PARL: variants seen among roughly 807,000 people sequenced by gnomAD.
The protein encoded by PARL is presenilin associated rhomboid like, also known as presenilin-associated rhomboid-like protein, mitochondrial.
In PARL, 44 loss-of-function variants were observed where a neutral mutation model predicts 51.6. The observed-to-expected ratio is 0.85, with a 90% CI of 0.67 to 1.10. The LOEUF (loss-of-function observed/expected upper bound fraction) is 1.10. Ranked by LOEUF, PARL falls within the 50% of genes least tolerant of loss-of-function variation. The pLI is 0.00. For synonymous variants in PARL, 172 were observed against 164.0 expected, an observed-to-expected ratio of 1.05 and a Z score of -0.37; for missense variants, 441 against 469.5, an observed-to-expected ratio of 0.94 and a Z score of 0.56.
Position 183,884,859 on chromosome 3 carries a change from T to C in PARL, c.-13A>G. The C allele has an allele frequency of 1.9e-6, 3 of 1,596,868 alleles. No individual in the cohort carries two copies. Among genetic ancestry groups the C allele is most frequent in the Non-Finnish European group, 2.5e-6 (3 of 1,179,426 alleles). ...CTCGCCACGCCATCTTCCCAACCTC[T>C]GCCCCACCATGGCCCGACCTTACCA... On this transcript the variant is annotated 5_prime_UTR_variant, in exon 1 of 10. Coordinates refer to ENST00000317096, the MANE Select transcript of PARL (RefSeq NM_018622.7).
intron 7 of PARL, among the ~76,000 whole-genome samples, chr3:183,839,537 GCCTC>G (rs1729044481): frequency 6.6e-6 from 1 of 151,922 alleles, no homozygotes; most frequent in Non-Finnish European, 1.5e-5. Flanking sequence ...TCCTGCCTCA[GCCTC>G]CCGAGTAGCT....
At position 183,884,830 on chromosome 3, in the gene PARL, C is replaced by CA. The variant is rs1734960854; in HGVS notation, c.16dup (p.Trp6LeufsTer39). 6.3e-7 allele frequency: 1 copy of CA among 1,597,444 alleles called. No homozygotes were observed. Among genetic ancestry groups the CA allele is most frequent in the Non-Finnish European group, 8.5e-7 (1 of 1,179,270 alleles). On this transcript the variant is annotated frameshift_variant, in exon 1 of 10. Coordinates refer to ENST00000317096, the MANE Select transcript of PARL (RefSeq NM_018622.7). LOFTEE classifies it high-confidence loss of function. ...GCCGCAGCCCCAGCCTCTCTGCGCCCAGCCTCGCCACGCCATCTTCCCAAC... is the reference window on the plus strand; with the variant it reads ...GCCGCAGCCCCAGCCTCTCTGCGCCCAAGCCTCGCCACGCCATCTTCCCAAC...
intron 7 of PARL, 88 bp downstream of exon 7, chr3:183,840,482 C>A: frequency 2.9e-6 from 2 of 682,116 alleles, no homozygotes; most frequent in South Asian, 1.9e-5. Context: ...AACCTCTTAT[C>A]AATTTTACAA....
intron 3 of PARL, among the ~76,000 whole-genome samples, chr3:183,864,029 C>T (rs1179375975): frequency 6.6e-6 from 1 of 152,164 alleles, no homozygotes; most frequent in African/African-American, 2.4e-5. Flanking sequence ...GTGCTGGAAA[C>T]CTATAGCTTT....
intron 3 of PARL, among the ~76,000 whole-genome samples, chr3:183,865,063 T>G (rs1297907072): frequency 6.6e-6 from 1 of 151,936 alleles, no homozygotes; most frequent in Non-Finnish European, 1.5e-5. Flanking sequence ...ATTCCAGCAC[T>G]TTGGGAGGCC....
chr3:183,858,540 T>TA (rs1164438336), intron 4 of PARL, among the ~76,000 whole-genome samples: 2 of 152,274 alleles, frequency 1.3e-5, no homozygotes, highest in South Asian at 2.1e-4. Context: ...TCAAAAATAA[T>TA]AATTTAGCTG....
chr3:183,884,821 C>G lies in PARL; in HGVS notation c.26G>C (p.Arg9Thr). 6.3e-7 allele frequency: 1 copy of G among 1,597,532 alleles called. No individual in the cohort carries two copies. The highest frequency in any genetic ancestry group is 1.3e-5 in the African/African-American group (1 of 74,938). Residue 9 changes from arginine to threonine, a missense_variant, in exon 1 of 10, where the codon AGA (arginine) becomes ACA (threonine). Physicochemically the swap from Arg to Thr is moderately conservative, Grantham distance 71 (BLOSUM62 -1). Transcript: ENST00000317096. The stretch of plus-strand genomic sequence containing the variant: ...CCACGCCTGGCCGCAGCCCCAGCCT[C>G]TCTGCGCCCAGCCTCGCCACGCCAT... The part of the protein sequence containing the change: MAWRGWAQ[R>T]GWGCGQAWGA...
chr3:183,876,610 T>TAAAAAAAAAAAAAA (rs576376716), intron 1 of PARL, among the ~76,000 whole-genome samples: 83 of 91,790 alleles, frequency 9.0e-4, no homozygotes, highest in East Asian at 1.7e-3. Flanking sequence ...ATACATTTTG[T>TAAAAAAAAAAAAAA]AAAAAAAAAA....
intron 9 of PARL, among the ~76,000 whole-genome samples, chr3:183,830,828 A>G (rs1727849091): frequency 6.6e-6 from 1 of 152,222 alleles, no homozygotes; most frequent in Non-Finnish European, 1.5e-5. Flanking sequence ...ACATTAATTA[A>G]CAGGCATGTA....
In PARL at chr3:183,846,312, G is replaced by T. The variant is rs1447053309; in HGVS notation, c.512-1986C>A. On this transcript the variant is annotated intron_variant, in intron 4 of 9. Transcript: ENST00000317096. ...AGTTCGAGACCAGCCTGACCAACAT[G>T]AAGAAACCTCGTCTCTACTAAAAAT... Among the ~76,000 whole-genome samples, 3 of 152,102 alleles carry T rather than the reference G, an allele frequency of 2.0e-5. No homozygotes were observed. In the East Asian group the frequency reaches 5.8e-4, roughly 29 times the overall value.
chr3:183,851,529 T>C (rs996718032), intron 4 of PARL, among the ~76,000 whole-genome samples: 1 of 151,908 alleles, frequency 6.6e-6, no homozygotes, highest in Non-Finnish European at 1.5e-5. Context: ...AGAATAAATA[T>C]ACAATAAGAC....
chr3:183,839,501 C>T (rs1729039409), intron 7 of PARL, among the ~76,000 whole-genome samples: 1 of 152,060 alleles, frequency 6.6e-6, no homozygotes, highest in Non-Finnish European at 1.5e-5. Flanking sequence ...TCACTGCAAC[C>T]TCTACCCGCT....
intron 6 of PARL, among the ~76,000 whole-genome samples, chr3:183,842,081 C>A (rs575569932): frequency 6.6e-6 from 1 of 152,210 alleles, no homozygotes; most frequent in South Asian, 2.1e-4. Context: ...TTAAACATAC[C>A]CACATAATTC....
intron 4 of PARL, among the ~76,000 whole-genome samples, chr3:183,853,157 T>C (rs1171285147): frequency 6.6e-6 from 1 of 152,176 alleles, no homozygotes; most frequent in African/African-American, 2.4e-5. Context: ...AAAACTTTTG[T>C]GTATCAAAAG....
chr3:183,882,548 T>C (rs1449288205), intron 1 of PARL, among the ~76,000 whole-genome samples: 4 of 152,236 alleles, frequency 2.6e-5, no homozygotes, highest in Middle Eastern at 3.4e-3. Flanking sequence ...GATAGTTTCA[T>C]ATAACTGGCA....
intron 5 of PARL, among the ~76,000 whole-genome samples, chr3:183,842,835 G>A (rs1248899259): frequency 3.9e-5 from 2 of 51,886 alleles, no homozygotes; most frequent in Admixed American, 2.5e-4. Context: ...AAAAATTTAT[G>A]AAACAAACAT....
At chr3:183,873,861 G>A (rs1733494685) in intron 1 of PARL, among the ~76,000 whole-genome samples, 1 of 152,092 alleles carries the variant, frequency 6.6e-6, no homozygotes, top group South Asian at 2.1e-4. Flanking sequence ...CCAGAAGTGT[G>A]CATCAAGCTG....
chr3:183,856,912 C>T (rs1042152551), intron 4 of PARL, among the ~76,000 whole-genome samples: 1 of 152,086 alleles, frequency 6.6e-6, no homozygotes, highest in African/African-American at 2.4e-5. Context: ...AGTAACTTAT[C>T]CTAAAAATAT....
intron 7 of PARL, among the ~76,000 whole-genome samples, chr3:183,837,930 A>G (rs1262248636): frequency 1.2e-4 from 18 of 152,046 alleles, no homozygotes; most frequent in Non-Finnish European, 2.9e-5. Context: ...TTGGCAACAT[A>G]GGGAGACCCT....
Sources: gnomAD v4.1 joint callset for allele counts (sites outside exome capture counted in the v4.1 genomes callset) on GRCh38, gnomAD v4.1.1 for gene constraint, MANE v1.5 for transcripts, NCBI Gene and HGNC (gene_info 2026-07-23, HGNC 2026-07-21) for gene names.